DLG2: variants seen among roughly 807,000 people sequenced by gnomAD.
DLG2 encodes disks large homolog 2.
In DLG2, 45 loss-of-function variants were observed where a neutral mutation model predicts 132.5. The observed-to-expected ratio is 0.34, with a 90% CI of 0.27 to 0.44. DLG2 has a LOEUF of 0.44. Among genes scored for constraint, DLG2 ranks in the 20% least tolerant of loss-of-function variants. The pLI is 1.00. For synonymous variants in DLG2, 424 were observed against 419.6 expected, an observed-to-expected ratio of 1.01 and a Z score of -0.13; for missense variants, 1,045 against 1,196.9, an observed-to-expected ratio of 0.87 and a Z score of 1.87.
chr11:83,636,494 C>CT (rs1314261526), intron 18 of DLG2, among the ~76,000 whole-genome samples: 4 of 152,074 alleles, frequency 2.6e-5, no homozygotes, highest in Admixed American at 2.6e-4. Flanking sequence ...CCTAGTGCTA[C>CT]TTTTTTCAAA....
At chr11:84,530,644 A>G (rs1053635023) in intron 7 of DLG2, among the ~76,000 whole-genome samples, 4 of 152,196 alleles carry the variant, frequency 2.6e-5, no homozygotes, top group Non-Finnish European at 5.9e-5. Context: ...GTGAGGTTGC[A>G]GTGAAAAGGG....
At chr11:85,012,470 G>A (rs1266095369) in intron 6 of DLG2, among the ~76,000 whole-genome samples, 3 of 151,936 alleles carry the variant, frequency 2.0e-5, no homozygotes, top group Non-Finnish European at 4.4e-5. Context: ...GTTGCAGTGA[G>A]CTGAGATCGC....
chr11:85,025,308 C>T (rs1418676068), intron 6 of DLG2, among the ~76,000 whole-genome samples: 1 of 152,164 alleles, frequency 6.6e-6, no homozygotes, highest in Non-Finnish European at 1.5e-5. Flanking sequence ...ATGCGCAATA[C>T]TGTTGACATC....
At chr11:85,550,919 C>T (rs1302025137) in intron 3 of DLG2, among the ~76,000 whole-genome samples, 3 of 152,180 alleles carry the variant, frequency 2.0e-5, no homozygotes, top group Admixed American at 1.3e-4. Flanking sequence ...AACAAGTTAG[C>T]CACCTAGATC....
intron 6 of DLG2, among the ~76,000 whole-genome samples, chr11:84,610,819 T>G (rs1378392975): frequency 6.6e-6 from 1 of 152,136 alleles, no homozygotes; most frequent in African/African-American, 2.4e-5. Flanking sequence ...CAGTCATACA[T>G]AGCCACAGAT....
intron 4 of DLG2, among the ~76,000 whole-genome samples, chr11:85,161,705 G>T (rs957043589): frequency 5.3e-5 from 8 of 152,120 alleles, no homozygotes; most frequent in Non-Finnish European, 8.8e-5. Flanking sequence ...CATGCTCACT[G>T]GTCTTACCAT....
chr11:84,853,502 T>C (rs2082394547), intron 6 of DLG2, among the ~76,000 whole-genome samples: 1 of 152,014 alleles, frequency 6.6e-6, no homozygotes, highest in African/African-American at 2.4e-5. Context: ...TATCTTAAAA[T>C]AAGATAAATA....
chr11:85,065,747 T>G (rs1313414172), intron 6 of DLG2, among the ~76,000 whole-genome samples: 3 of 150,654 alleles, frequency 2.0e-5, no homozygotes, highest in African/African-American at 7.3e-5. Context: ...AGGTGGAAAT[T>G]TAAAAAATAT....
chr11:84,413,686 C>A (rs1231118074), intron 7 of DLG2, among the ~76,000 whole-genome samples: 1 of 152,210 alleles, frequency 6.6e-6, no homozygotes, highest in Non-Finnish European at 1.5e-5. Flanking sequence ...GTTCTCAGAA[C>A]ACACTCAATC....
intron 6 of DLG2, among the ~76,000 whole-genome samples, chr11:84,815,808 G>C (rs1342589817): frequency 6.6e-6 from 1 of 152,066 alleles, no homozygotes. Flanking sequence ...GTTATGATGA[G>C]AGGGTCTGGA....
At chr11:83,585,289 G>C (rs1165905328) in intron 19 of DLG2, among the ~76,000 whole-genome samples, 1 of 152,164 alleles carries the variant, frequency 6.6e-6, no homozygotes, top group East Asian at 1.9e-4. Context: ...TGGAGACATT[G>C]ATCTGGGCAT....
At chr11:85,475,552 A>G (rs537371584) in intron 3 of DLG2, among the ~76,000 whole-genome samples, 1 of 152,088 alleles carries the variant, frequency 6.6e-6, no homozygotes, top group Admixed American at 6.6e-5. Context: ...CTATTGCTGT[A>G]ATTTTTCCAA....
intron 15 of DLG2, among the ~76,000 whole-genome samples, chr11:83,885,716 C>T (rs2154079810): frequency 6.6e-6 from 1 of 152,250 alleles, no homozygotes; most frequent in African/African-American, 2.4e-5. Flanking sequence ...GGGTTACCCA[C>T]AAAGGGAAGC....
At chr11:84,089,632 C>T (rs1277911603) in intron 10 of DLG2, among the ~76,000 whole-genome samples, 2 of 152,216 alleles carry the variant, frequency 1.3e-5, no homozygotes, top group Non-Finnish European at 2.9e-5. Flanking sequence ...TTGAAATAAA[C>T]ATGTATGTTG....
At chr11:85,280,911 A>G (rs1262874426) in intron 4 of DLG2, among the ~76,000 whole-genome samples, 1 of 152,038 alleles carries the variant, frequency 6.6e-6, no homozygotes, top group Non-Finnish European at 1.5e-5. Flanking sequence ...AATTTCTATC[A>G]TATTTCAAAA....
chr11:85,165,579 T>C (rs1211130603), intron 4 of DLG2, among the ~76,000 whole-genome samples: 1 of 152,202 alleles, frequency 6.6e-6, no homozygotes, highest in Non-Finnish European at 1.5e-5. Context: ...GTTCTGCTTC[T>C]TTCAGCTCCT....
At chr11:84,673,450 C>G (rs750300182) in intron 6 of DLG2, among the ~76,000 whole-genome samples, 2 of 151,698 alleles carry the variant, frequency 1.3e-5, no homozygotes, top group Non-Finnish European at 2.9e-5. Context: ...CAAAATGAGA[C>G]TGATATACAG....
intron 6 of DLG2, among the ~76,000 whole-genome samples, chr11:85,016,041 T>C (rs976636813): frequency 5.3e-5 from 8 of 152,056 alleles, no homozygotes; most frequent in African/African-American, 1.7e-4. Flanking sequence ...TTTAAAAACG[T>C]TAAAATAGAA....
intron 6 of DLG2, among the ~76,000 whole-genome samples, chr11:84,624,986 A>G (rs959682231): frequency 6.9e-6 from 1 of 145,972 alleles, no homozygotes; most frequent in African/African-American, 2.6e-5. Context: ...GCCTCCTCCC[A>G]AGTAGCTGGG....
Sources: allele counts gnomAD v4.1 joint callset (sites outside exome capture counted in the v4.1 genomes callset), GRCh38; gene constraint gnomAD v4.1.1; transcripts MANE v1.5; gene names NCBI Gene and HGNC (gene_info 2026-07-23, HGNC 2026-07-21).